The following SYNPO2 variants were observed in gnomAD, a reference collection of about 807,000 sequenced individuals.
SYNPO2 encodes synaptopodin-2.
Under a neutral mutation model 85.0 loss-of-function variants are expected in SYNPO2, and 56 were observed. The observed-to-expected ratio is 0.66, with a 90% CI of 0.53 to 0.82. SYNPO2 has a LOEUF of 0.82. Among genes scored for constraint, SYNPO2 ranks in the 40% least tolerant of loss-of-function variants. The pLI is 0.00. For synonymous variants in SYNPO2, 602 were observed against 591.1 expected, an observed-to-expected ratio of 1.02 and a Z score of -0.27; for missense variants, 1,575 against 1,534.2, an observed-to-expected ratio of 1.03 and a Z score of -0.44.
intron 1 of SYNPO2, among the ~76,000 whole-genome samples, chr4:118,989,462 T>G (rs989678256): frequency 2.0e-5 from 3 of 152,230 alleles, no homozygotes; most frequent in African/African-American, 7.2e-5. Flanking sequence ...TCATGTGTGA[T>G]CATATCTCCC....
chr4:119,032,631 G>T (rs1561010757), intron 4 of SYNPO2: 2 of 988,094 alleles, frequency 2.0e-6, no homozygotes, highest in Non-Finnish European at 2.4e-6. Flanking sequence ...TAAGAAGTGG[G>T]TAAGAAAGAG....
At chr4:118,969,211 A>C (rs1735433115) in intron 1 of SYNPO2, among the ~76,000 whole-genome samples, 1 of 152,210 alleles carries the variant, frequency 6.6e-6, no homozygotes, top group Admixed American at 6.5e-5. Flanking sequence ...TTTTGGACCA[A>C]GTTTACAAGG....
At chr4:118,976,663 G>A (rs1309741385) in intron 1 of SYNPO2, among the ~76,000 whole-genome samples, 2 of 152,112 alleles carry the variant, frequency 1.3e-5, no homozygotes, top group Non-Finnish European at 2.9e-5. Context: ...TCCACACACA[G>A]GTTCTCCAAG....
At chr4:119,039,394 A>G (rs1201347709) in intron 4 of SYNPO2, among the ~76,000 whole-genome samples, 3 of 152,198 alleles carry the variant, frequency 2.0e-5, no homozygotes, top group African/African-American at 7.2e-5. Flanking sequence ...TGAGTTTTAC[A>G]TGTCTCAGAG....
chr4:118,886,051 A>G (rs1174705733), upstream of SYNPO2, among the ~76,000 whole-genome samples: 1 of 152,210 alleles, frequency 6.6e-6, no homozygotes, highest in African/African-American at 2.4e-5. Context: ...AATCTTTGAT[A>G]AGAGTGGCTA....
chr4:118,933,605 T>G (rs1733999444), intron 1 of SYNPO2, among the ~76,000 whole-genome samples: 1 of 152,222 alleles, frequency 6.6e-6, no homozygotes, highest in South Asian at 2.1e-4. Context: ...TAAGGATGAC[T>G]TATTAATATG....
chr4:118,970,472 T>C (rs181619341), intron 1 of SYNPO2, among the ~76,000 whole-genome samples: 1 of 152,332 alleles, frequency 6.6e-6, no homozygotes, highest in Non-Finnish European at 1.5e-5. Flanking sequence ...AATAAGTTTG[T>C]ATCCCTCCAA....
chr4:118,967,104 G>A (rs541176177), intron 1 of SYNPO2, among the ~76,000 whole-genome samples: 25 of 152,252 alleles, frequency 1.6e-4, no homozygotes, highest in African/African-American at 6.0e-4. Context: ...TAACACAGGA[G>A]TGTACTATTA....
chr4:118,892,841 A>G (rs1732422516), intron 1 of SYNPO2, among the ~76,000 whole-genome samples: 1 of 152,154 alleles, frequency 6.6e-6, no homozygotes, highest in Non-Finnish European at 1.5e-5. Context: ...CCTTCATTTC[A>G]TAAGGCCAAA....
chr4:118,886,888 A>G (rs1250759451), upstream of SYNPO2, among the ~76,000 whole-genome samples: 1 of 152,216 alleles, frequency 6.6e-6, no homozygotes, highest in Non-Finnish European at 1.5e-5. Context: ...AGTCACAAAT[A>G]AAATCACTTG....
chr4:118,939,549 A>G (rs1734230220), intron 1 of SYNPO2, among the ~76,000 whole-genome samples: 3 of 152,208 alleles, frequency 2.0e-5, no homozygotes, highest in Non-Finnish European at 1.5e-5. Context: ...TGAGAAAGGC[A>G]AGAGATTCCG....
At chr4:119,003,975 G>A (rs1004812661) in intron 1 of SYNPO2, among the ~76,000 whole-genome samples, 1 of 152,110 alleles carries the variant, frequency 6.6e-6, no homozygotes, top group African/African-American at 2.4e-5. Context: ...TGTGCCTGGT[G>A]TCCTGTAGGG....
At chr4:118,920,641 G>T (rs1325455138) in intron 1 of SYNPO2, among the ~76,000 whole-genome samples, 1 of 152,108 alleles carries the variant, frequency 6.6e-6, no homozygotes, top group African/African-American at 2.4e-5. Flanking sequence ...AGAACTCTTT[G>T]TAGTTTGAGT....
At chr4:118,956,397 G>A (rs1158840761) in intron 1 of SYNPO2, among the ~76,000 whole-genome samples, 1 of 152,050 alleles carries the variant, frequency 6.6e-6, no homozygotes, top group Non-Finnish European at 1.5e-5. Context: ...AAAAGTTGCA[G>A]GAAGAAAAAG....
At chr4:119,003,046 A>C (rs914517646) in intron 1 of SYNPO2, among the ~76,000 whole-genome samples, 25 of 152,230 alleles carry the variant, frequency 1.6e-4, no homozygotes, top group African/African-American at 5.8e-4. Flanking sequence ...TAATTTTCTT[A>C]GCTTTTTCCT....
rs749567616 is a variant in SYNPO2 at position 119,031,271 on chromosome 4, A to G, written c.2496A>G (p.Gln832=). ...TGGCTGGTCCCTTCAAAGGACCACA[A>G]GCAGCAGTAGCCAGTCAGAATTACA... is the stretch of plus-strand genomic sequence containing the variant. ...LNVAGPFKGP[Q]AAVASQNYTP... is the part of the protein sequence containing the mutation. The change falls in exon 4 of 5, where the codon CAA becomes CAG. Residue 832 remains glutamine (Q), a synonymous_variant. Coordinates refer to ENST00000307142, the MANE Select transcript of SYNPO2 (RefSeq NM_133477.3). 23 of 1,614,056 alleles carry G rather than the reference A, an allele frequency of 1.4e-5. No individual in the cohort carries two copies. Among genetic ancestry groups the G allele is most frequent in the Non-Finnish European group, 1.9e-5 (23 of 1,180,040 alleles).
At chr4:118,931,810 T>A (rs115866076) in intron 1 of SYNPO2, among the ~76,000 whole-genome samples, 2,565 of 152,258 alleles carry the variant, frequency 0.017, 81 homozygotes, top group African/African-American at 0.058. Context: ...CCTCAGGCTT[T>A]TATGGAATGC....
chr4:119,055,152 T>G (rs1739171797), intron 4 of SYNPO2, among the ~76,000 whole-genome samples: 1 of 147,146 alleles, frequency 6.8e-6, no homozygotes, highest in Admixed American at 6.6e-5. Flanking sequence ...ATTATTTATT[T>G]ATTTATTTTT....
At chr4:119,050,890 C>T (rs575516242) in intron 4 of SYNPO2, among the ~76,000 whole-genome samples, 17 of 152,356 alleles carry the variant, frequency 1.1e-4, no homozygotes, top group African/African-American at 3.6e-4. Context: ...ATGATGTCTT[C>T]ACTCAGCACG....
Sources: allele counts gnomAD v4.1 joint callset (sites outside exome capture counted in the v4.1 genomes callset), GRCh38; gene constraint gnomAD v4.1.1; transcripts MANE v1.5; gene names NCBI Gene and HGNC (gene_info 2026-07-23, HGNC 2026-07-21).